The following IST1 variants were observed in gnomAD, a reference collection of about 807,000 sequenced individuals.
IST1 encodes the protein IST1 homolog.
Under a neutral mutation model 37.0 loss-of-function variants are expected in IST1, and 23 were observed. The ratio of observed to expected loss-of-function variants is 0.62; its 90% confidence interval spans 0.45 to 0.88. The LOEUF (loss-of-function observed/expected upper bound fraction) is 0.88, where lower values mean the gene tolerates loss of function less well. Among genes scored for constraint, IST1 ranks in the 40% least tolerant of loss-of-function variants. The pLI is 0.00. For synonymous variants in IST1, 180 were observed against 161.7 expected (o/e 1.11, Z -0.86); for missense variants, 488 against 445.4 (o/e 1.10, Z -0.86).
chr16:71,923,269 T>G lies in IST1; in HGVS notation c.760-19T>G. On this transcript the variant is annotated intron_variant, in intron 7 of 9. Coordinates refer to ENST00000378799, the MANE Select transcript of IST1 (RefSeq NM_001270975.2). ...AAACTGGAGGCAGTGTCTCTGATGT[T>G]GCCTTTCTCCTCTTACAGTCAGATT... 6.6e-7 allele frequency: 1 copy of G among 1,521,256 alleles called. No individual in the cohort carries two copies. The highest frequency in any genetic ancestry group is 9.1e-7 in the Non-Finnish European group (1 of 1,098,442). 94.2% of individuals were successfully genotyped at this position (1,521,256 alleles called of 1,614,324 possible).
intron 1 of IST1, 49 bp downstream of exon 1, chr16:71,895,638 C>T (rs957744810): frequency 1.9e-5 from 15 of 782,744 alleles, no homozygotes; most frequent in Non-Finnish European, 2.3e-5. Flanking sequence ...CCTCTTCTCT[C>T]TGCGCTCCTG....
In IST1 at chr16:71,929,979, C is replaced by G. The variant is rs904184298; in HGVS notation, c.*2166C>G. 7 of 1,425,756 alleles carry G rather than the reference C, an allele frequency of 4.9e-6. No homozygotes were observed. In the East Asian group the frequency reaches 1.7e-4, roughly 35 times the overall value. The allele number at this position is 1,425,756 out of a possible 1,614,324, so 88.3% of individuals were successfully genotyped here. A position where few individuals can be genotyped will look rare whatever the true frequency, so the allele number is the denominator to read the frequency against. On this transcript the variant is annotated 3_prime_UTR_variant, in exon 10 of 10. Transcript: ENST00000378799. ...TGCATTATAAATTATGTCAGCCCGT[C>G]ATCTTAGGGGCAGTTACAGTGGAGC...
At chr16:71,913,177 C>G (rs368285201) in intron 1 of IST1, among the ~76,000 whole-genome samples, 2 of 152,046 alleles carry the variant, frequency 1.3e-5, no homozygotes, top group African/African-American at 4.8e-5. Flanking sequence ...TTTGAGGAAC[C>G]GCCATACTGT....
At chr16:71,895,965 C>G (rs765004492) in intron 1 of IST1, among the ~76,000 whole-genome samples, 2 of 152,250 alleles carry the variant, frequency 1.3e-5, no homozygotes, top group African/African-American at 4.8e-5. Context: ...CCCGTCTTTT[C>G]TGGCCCGGAG....
At chr16:71,900,096 G>A (rs2037070073) in intron 1 of IST1, among the ~76,000 whole-genome samples, 1 of 151,302 alleles carries the variant, frequency 6.6e-6, no homozygotes, top group Non-Finnish European at 1.5e-5. Flanking sequence ...GACCTGGGAG[G>A]TGGAGGTTGC....
intron 1 of IST1, among the ~76,000 whole-genome samples, chr16:71,896,796 A>G (rs2036981347): frequency 6.6e-6 from 1 of 152,066 alleles, no homozygotes; most frequent in African/African-American, 2.4e-5. Context: ...CGTGGGCAAC[A>G]TAGCAAAATC....
chr16:71,920,794 C>T lies in IST1; in HGVS notation c.413C>T (p.Thr138Ile). The T allele has an allele frequency of 6.2e-7, 1 of 1,613,482 alleles. No homozygotes were observed. The highest frequency in any genetic ancestry group is 8.5e-7 in the Non-Finnish European group (1 of 1,179,424). The change falls in exon 5 of 10, where the codon ACC (threonine) becomes ATC (isoleucine). Residue 138 changes from threonine to isoleucine, a missense_variant. By Grantham distance (89) the Thr-to-Ile change is moderately conservative (BLOSUM62 -1). Transcript: ENST00000378799. The stretch of plus-strand genomic sequence containing the variant: ...AAGGAATATGGCAAGCTATGTAGGA[C>T]CAACCAGATTGGAACTGTGAATGAC... ...YSKEYGKLCR[T>I]NQIGTVNDRL...
At chr16:71,899,336 C>A (rs557274035) in intron 1 of IST1, among the ~76,000 whole-genome samples, 1 of 151,606 alleles carries the variant, frequency 6.6e-6, no homozygotes, top group Non-Finnish European at 1.5e-5. Context: ...CCCAGCACTT[C>A]GGGAGGTTGA....
chr16:71,907,138 T>C (rs1190523729), intron 1 of IST1, among the ~76,000 whole-genome samples: 2 of 152,152 alleles, frequency 1.3e-5, no homozygotes, highest in East Asian at 3.8e-4. Context: ...TCTGTAGAGT[T>C]AATATGTTTT....
rs1338022054 is a variant in IST1 at position 71,928,297 on chromosome 16, G to C, written c.*484G>C. 1 of 166,974 alleles carries C rather than the reference G, an allele frequency of 6.0e-6. No homozygotes were observed. Among genetic ancestry groups the C allele is most frequent in the Non-Finnish European group, 1.3e-5 (1 of 77,034 alleles). 10.3% of individuals were successfully genotyped at this position (166,974 alleles called of 1,614,324 possible). ...CTTGTGTGTTTTCTCACTCTCGAAT[G>C]CAAGTGGGAGAGGGAAAATGACTCG... On this transcript the variant is annotated 3_prime_UTR_variant, in exon 10 of 10. Transcript: ENST00000378799.
At chr16:71,920,187 A>G (rs1215922218) in intron 4 of IST1, among the ~76,000 whole-genome samples, 4 of 152,230 alleles carry the variant, frequency 2.6e-5, no homozygotes, top group South Asian at 2.1e-4. Context: ...GAAAAGTACT[A>G]ACATTCCCAA....
At chr16:71,910,467 G>A (rs1597242525) in intron 1 of IST1, among the ~76,000 whole-genome samples, 1 of 152,006 alleles carries the variant, frequency 6.6e-6, no homozygotes, top group Non-Finnish European at 1.5e-5. Context: ...TTAGCTGGGT[G>A]TGGTGGCGGG....
intron 1 of IST1, among the ~76,000 whole-genome samples, chr16:71,907,949 C>G (rs905267478): frequency 6.6e-6 from 1 of 151,892 alleles, no homozygotes; most frequent in Admixed American, 6.6e-5. Context: ...CTCTTTATGT[C>G]TTTACTTTTT....
Position 71,927,885 on chromosome 16 carries a change from T to C in IST1, c.*72T>C, listed in dbSNP as rs1241409524. 1 of 1,065,024 alleles carries C rather than the reference T, an allele frequency of 9.4e-7. No individual in the cohort carries two copies. Among genetic ancestry groups the C allele is most frequent in the East Asian group, 2.4e-5 (1 of 42,388 alleles). 66.0% of individuals were successfully genotyped at this position (1,065,024 alleles called of 1,614,324 possible). A position where few individuals can be genotyped will look rare whatever the true frequency, so the allele number is the denominator to read the frequency against. ...CAATTTCTCCTTGTAACAAAGAATC[T>C]CCATGAAATTCTGTTTCATCTGTTA... is the stretch of plus-strand genomic sequence containing the variant. On this transcript the variant is annotated 3_prime_UTR_variant, in exon 10 of 10. Coordinates refer to ENST00000378799, the MANE Select transcript of IST1 (RefSeq NM_001270975.2).
At position 71,927,963 on chromosome 16, in the gene IST1, T is replaced by C; in HGVS notation, c.*150T>C. ...GGGCTCTCTTCCTGCTCCTCCAGAT[T>C]CTGCTGCTTTCCAGTTCTCTGTTGA... On this transcript the variant is annotated 3_prime_UTR_variant, in exon 10 of 10. Transcript: ENST00000378799. 1 of 627,308 alleles carries C rather than the reference T, an allele frequency of 1.6e-6. No homozygotes were observed. Among genetic ancestry groups the C allele is most frequent in the Non-Finnish European group, 2.8e-6 (1 of 354,884 alleles). 38.9% of individuals were successfully genotyped at this position (627,308 alleles called of 1,614,324 possible). A position where few individuals can be genotyped will look rare whatever the true frequency, so the allele number is the denominator to read the frequency against.
intron 1 of IST1, among the ~76,000 whole-genome samples, chr16:71,905,602 A>G (rs1000634420): frequency 2.6e-5 from 4 of 150,960 alleles, no homozygotes; most frequent in Non-Finnish European, 5.9e-5. Context: ...CTGGTCTTGA[A>G]CTCCTGACCT....
chr16:71,917,648 A>T (rs1298891033), intron 4 of IST1, among the ~76,000 whole-genome samples: 1 of 152,214 alleles, frequency 6.6e-6, no homozygotes, highest in Non-Finnish European at 1.5e-5. Context: ...GACTCCTAGG[A>T]TACAAATTCA....
chr16:71,900,234 T>A (rs965475308), intron 1 of IST1, among the ~76,000 whole-genome samples: 1 of 151,494 alleles, frequency 6.6e-6, no homozygotes, highest in Non-Finnish European at 1.5e-5. Context: ...TTGTACGTAT[T>A]GGAGTGTCTG....
intron 4 of IST1, among the ~76,000 whole-genome samples, chr16:71,919,532 G>A (rs1007428772): frequency 1.4e-4 from 21 of 152,184 alleles, no homozygotes; most frequent in Non-Finnish European, 2.8e-4. Flanking sequence ...GACAAGAGGT[G>A]CGTGCCACCA....
Sources: gnomAD v4.1 joint callset for allele counts (sites outside exome capture counted in the v4.1 genomes callset) on GRCh38, gnomAD v4.1.1 for gene constraint, MANE v1.5 for transcripts, NCBI Gene and HGNC (gene_info 2026-07-23, HGNC 2026-07-21) for gene names.